Variants in MALT1 observed in about 807,000 individuals in gnomAD.
The protein encoded by MALT1 is MALT1 paracaspase.
MALT1 carries 36 observed loss-of-function variants against 85.5 expected under a neutral mutation model. That is an observed-to-expected ratio of 0.42 (90% confidence interval 0.32 to 0.56). The LOEUF (loss-of-function observed/expected upper bound fraction) is 0.56, where lower values mean the gene tolerates loss of function less well. Ranked by LOEUF, MALT1 falls within the 20% of genes least tolerant of loss-of-function variation. The pLI is 0.10. For missense variants in MALT1, 716 were observed against 981.6 expected, an observed-to-expected ratio of 0.73 and a Z score of 3.62; for synonymous variants, 359 against 361.3, an observed-to-expected ratio of 0.99 and a Z score of 0.07.
intron 2 of MALT1, chr18:58,690,522 C>T: frequency 5.8e-6 from 1 of 172,118 alleles, no homozygotes. Context: ...GGACCGGAGC[C>T]CATCCCCTCT....
chr18:58,685,680 T>C (rs1246809480), intron 2 of MALT1, among the ~76,000 whole-genome samples: 1 of 152,234 alleles, frequency 6.6e-6, no homozygotes, highest in African/African-American at 2.4e-5. Context: ...CTTTCTTTCT[T>C]GTCGAGCATT....
chr18:58,714,448 G>T (rs1200104576), intron 8 of MALT1, among the ~76,000 whole-genome samples: 1 of 152,154 alleles, frequency 6.6e-6, no homozygotes, highest in Non-Finnish European at 1.5e-5. Context: ...AGCAGTGTTT[G>T]ACAGAGTGAC....
chr18:58,692,045 A>G (rs2054511926), intron 2 of MALT1: 1 of 60,134 alleles, frequency 1.7e-5, no homozygotes, highest in Non-Finnish European at 4.1e-5. Context: ...CTCCGTCTCA[A>G]AAAAAAAAAA....
At chr18:58,681,770 T>C (rs1255830692) in intron 2 of MALT1, among the ~76,000 whole-genome samples, 1 of 152,182 alleles carries the variant, frequency 6.6e-6, no homozygotes, top group Non-Finnish European at 1.5e-5. Context: ...ATGACAAATG[T>C]TTAAGTTTTT....
chr18:58,716,129 C>T (rs2054896558), intron 9 of MALT1, among the ~76,000 whole-genome samples, 162 bp downstream of exon 9: 1 of 152,176 alleles, frequency 6.6e-6, no homozygotes, highest in South Asian at 2.1e-4. Flanking sequence ...GAAGAGGAGG[C>T]TTAAAAATGA....
intron 6 of MALT1, among the ~76,000 whole-genome samples, chr18:58,710,571 C>T (rs2144390517): frequency 6.6e-6 from 1 of 152,164 alleles, no homozygotes; most frequent in African/African-American, 2.4e-5. Flanking sequence ...CACTTGGTCC[C>T]AGCTACTTGG....
intron 2 of MALT1, among the ~76,000 whole-genome samples, chr18:58,694,858 T>C (rs1388349055): frequency 6.6e-6 from 1 of 152,208 alleles, no homozygotes; most frequent in Non-Finnish European, 1.5e-5. Context: ...TCACAGGTGT[T>C]GTCAAGAGAC....
In MALT1 at chr18:58,738,789, C is replaced by G. The variant is rs540481457; in HGVS notation, c.1604-3076C>G. ...CTTTTTATGTCATTTGTGCATTCTT[C>G]TGTGTGTGTGTGTGTGTGTGTGTTT... On this transcript the variant is annotated intron_variant, in intron 13 of 16. Coordinates refer to ENST00000649217, the MANE Select transcript of MALT1 (RefSeq NM_006785.4). Among the ~76,000 whole-genome samples, 265 of 125,220 alleles carry G rather than the reference C, an allele frequency of 2.1e-3. 5 individuals are homozygous for G. The East Asian group carries it at 0.05, about 24-fold the overall frequency. The allele number at this position is 125,220 out of a possible 152,430, so 82.1% of individuals were successfully genotyped here. A position where few individuals can be genotyped will look rare whatever the true frequency, so the allele number is the denominator to read the frequency against.
At chr18:58,678,299 A>T (rs1568120854) in intron 1 of MALT1, among the ~76,000 whole-genome samples, 1 of 152,216 alleles carries the variant, frequency 6.6e-6, no homozygotes, top group East Asian at 1.9e-4. Context: ...GCTAACCTTG[A>T]TTCTGTCACA....
At chr18:58,731,004 G>T (rs2055141200) in intron 10 of MALT1, among the ~76,000 whole-genome samples, 1 of 152,010 alleles carries the variant, frequency 6.6e-6, no homozygotes, top group Admixed American at 6.6e-5. Flanking sequence ...AGGCTGGAGT[G>T]CTAGTGGCAC....
chr18:58,739,320 ATTAGTAT>A (rs920950355), intron 13 of MALT1, among the ~76,000 whole-genome samples: 2 of 152,198 alleles, frequency 1.3e-5, no homozygotes, highest in African/African-American at 4.8e-5. Context: ...AGAAAATAAA[ATTAGTAT>A]TTAGTGGTAT....
intron 9 of MALT1, among the ~76,000 whole-genome samples, chr18:58,718,045 C>G (rs1048398160): frequency 2.0e-5 from 3 of 152,082 alleles, no homozygotes; most frequent in African/African-American, 7.2e-5. Flanking sequence ...GTGTTTTCAC[C>G]TAGTGAAATG....
chr18:58,691,110 C>T (rs887368537), intron 2 of MALT1: 12 of 225,010 alleles, frequency 5.3e-5, no homozygotes, highest in Non-Finnish European at 9.0e-5. Flanking sequence ...CCTCTGCCCC[C>T]GCCATCTCCT....
Position 58,750,063 on chromosome 18 carries a change from T to C in MALT1, c.*2221T>C. On this transcript the variant is annotated 3_prime_UTR_variant, in exon 17 of 17. Transcript: ENST00000649217. ...ACTGCAAAAGAAGTGAAACTATATG[T>C]ATTCACAGTTGATACATAGTTGTAT... The C allele has an allele frequency of 5.2e-6, 1 of 192,342 alleles. No homozygotes were observed. 11.9% of individuals were successfully genotyped at this position (192,342 alleles called of 1,614,324 possible).
Position 58,750,078 on chromosome 18 carries a change from CAT to C in MALT1, c.*2238_*2239del, listed in dbSNP as rs1568161054. 2 of 189,640 alleles carry C rather than the reference CAT, an allele frequency of 1.1e-5. No homozygotes were observed. The highest frequency in any genetic ancestry group is 2.3e-5 in the African/African-American group (1 of 42,948). The allele number at this position is 189,640 out of a possible 1,614,324, so 11.7% of individuals were successfully genotyped here. A position where few individuals can be genotyped will look rare whatever the true frequency, so the allele number is the denominator to read the frequency against. ...AAACTATATGTATTCACAGTTGATA[CAT>C]AGTTGTATATAGAAAATGCTAAAGA... On this transcript the variant is annotated 3_prime_UTR_variant, in exon 17 of 17. Transcript: ENST00000649217.
Position 58,709,549 on chromosome 18 carries a change from T to G in MALT1, c.821T>G (p.Leu274Arg). 6.2e-7 allele frequency: 1 copy of G among 1,600,918 alleles called. No homozygotes were observed. Among genetic ancestry groups the G allele is most frequent in the Non-Finnish European group, 8.5e-7 (1 of 1,175,508 alleles). ...CCATTAACACATGAGACCAAAAAGC[T>G]ATACATGGTAGGAAGTTGATTTTGG... ...ELPLTHETKK[L>R]YMVPYVDLEH... The change falls in exon 5 of 17, where the codon CTA becomes CGA. Residue 274 changes from leucine to arginine, a missense_variant. Around this residue, in one of 4 missense-constraint regions of MALT1, gnomAD observed 290 missense variants for 380.5 expected, o/e 0.76. Coordinates refer to ENST00000649217, the MANE Select transcript of MALT1 (RefSeq NM_006785.4).
intron 10 of MALT1, among the ~76,000 whole-genome samples, chr18:58,725,878 T>C (rs1248896949): frequency 2.0e-5 from 3 of 152,088 alleles, no homozygotes; most frequent in Non-Finnish European, 4.4e-5. Context: ...CTGGCCAACA[T>C]GGTGAAACCC....
chr18:58,730,343 A>G (rs562241825), intron 10 of MALT1, among the ~76,000 whole-genome samples: 1 of 152,144 alleles, frequency 6.6e-6, no homozygotes, highest in South Asian at 2.1e-4. Flanking sequence ...GGCAACCACC[A>G]ATCTATTTTC....
intron 9 of MALT1, among the ~76,000 whole-genome samples, chr18:58,718,486 T>C (rs1461806103): frequency 5.3e-5 from 8 of 152,308 alleles, no homozygotes; most frequent in Non-Finnish European, 1.5e-5. Context: ...TTGATTCTCA[T>C]AGGAGTGTGA....
Sources: allele counts gnomAD v4.1 joint callset (sites outside exome capture counted in the v4.1 genomes callset), GRCh38; gene constraint gnomAD v4.1.1; regional missense constraint gnomAD v4.1.1; transcripts MANE v1.5; gene names NCBI Gene and HGNC (gene_info 2026-07-23, HGNC 2026-07-21).